FLT3: variants seen among roughly 807,000 people sequenced by gnomAD.
FLT3 encodes fms related receptor tyrosine kinase 3, also known as receptor-type tyrosine-protein kinase FLT3.
In FLT3, 46 loss-of-function variants were observed where a neutral mutation model predicts 126.6. The ratio of observed to expected loss-of-function variants is 0.36; its 90% CI spans 0.29 to 0.46. FLT3 has a LOEUF of 0.46. Ranked by LOEUF, FLT3 falls within the 20% of genes least tolerant of loss-of-function variation. FLT3 has a pLI of 1.00. For missense variants in FLT3, 1,069 were observed against 1,190.3 expected, an observed-to-expected ratio of 0.90 and a Z score of 1.50; for synonymous variants, 404 against 434.4, an observed-to-expected ratio of 0.93 and a Z score of 0.87.
chr13:28,034,038 G>A (rs527544962), intron 14 of FLT3, 44 bp downstream of exon 14: 4 of 1,613,180 alleles, frequency 2.5e-6, no homozygotes, highest in East Asian at 2.2e-5. Context: ...ATTTTCCAAT[G>A]GAAAAGAAAT....
intron 16 of FLT3, 97 bp downstream of exon 16, chr13:28,028,081 G>T (rs1006294783): frequency 4.6e-6 from 3 of 645,942 alleles, no homozygotes; most frequent in Middle Eastern, 2.5e-4. Context: ...AAAAGACAAA[G>T]AATTAAAAAG....
Position 28,100,357 on chromosome 13 carries a change from C to G in FLT3, c.43+111G>C. On this transcript the variant is annotated intron_variant, in intron 1 of 23. Coordinates refer to ENST00000241453, the MANE Select transcript of FLT3 (RefSeq NM_004119.3). The surrounding 1 kb of genome is among the most constrained non-coding windows in gnomAD (Gnocchi z 4.8). Reference sequence around the variant, plus strand: ...CGCGGGAGGCAATGGAAGGAGCGAGCGCGGGGAGGAGCGAGGCGGCTGGGC... The same window carrying G: ...CGCGGGAGGCAATGGAAGGAGCGAGGGCGGGGAGGAGCGAGGCGGCTGGGC... The G allele has an allele frequency of 2.8e-6, 2 of 725,778 alleles. No individual in the cohort carries two copies. Among genetic ancestry groups the G allele is most frequent in the Non-Finnish European group, 3.7e-6 (2 of 534,012 alleles). The allele number at this position is 725,778 out of a possible 1,614,324, so 45.0% of individuals were successfully genotyped here.
At chr13:28,057,826 G>A (rs891895264) in intron 3 of FLT3, among the ~76,000 whole-genome samples, 3 of 152,126 alleles carry the variant, frequency 2.0e-5, no homozygotes, top group Non-Finnish European at 2.9e-5. Flanking sequence ...GATCACCTGA[G>A]GTCAGGAGTT....
intron 21 of FLT3, 27 bp from the exon 22 acceptor site, chr13:28,015,283 C>T: frequency 7.4e-7 from 1 of 1,343,956 alleles, no homozygotes; most frequent in Non-Finnish European, 1.1e-6. Context: ...ACAATTGCAG[C>T]CATTCATCCA....
chr13:28,014,673 T>C (rs1168856644), intron 22 of FLT3, 116 bp from the exon 23 acceptor site: 1 of 699,752 alleles, frequency 1.4e-6, no homozygotes, highest in Non-Finnish European at 2.4e-6. Context: ...TTACAGCATG[T>C]TTGTTTTGTG....
At position 28,089,960 on chromosome 13, in the gene FLT3, C is replaced by CA. The variant is rs542637186; in HGVS notation, c.43+10507dup. ...TTCACCATGTTGGCCAGGCTGGTCTCAAACTCCTGACTTCAAATGATCCGC... is the reference window on the plus strand; with the variant it reads ...TTCACCATGTTGGCCAGGCTGGTCTCAAAACTCCTGACTTCAAATGATCCGC... On this transcript the variant is annotated intron_variant, in intron 1 of 23. Coordinates refer to ENST00000241453, the MANE Select transcript of FLT3 (RefSeq NM_004119.3). 1.9e-4 allele frequency among the ~76,000 whole-genome samples: 29 copies of CA among 151,520 alleles called. No individual in the cohort carries two copies. The East Asian group carries it at 5.5e-3, about 28-fold the overall frequency.
chr13:28,018,556 G>A lies in FLT3; in HGVS notation c.2452C>T (p.Leu818Phe), dbSNP rs2137623816. ...TTCACCACTTTCCCGTGGGTGACAA[G>A]CACGTTCCTGGCGGCCAGGTCTCTG... The part of the protein sequence containing the change: ...VHRDLAARNV[L>F]VTHGKVVKIC... Residue 818 changes from leucine (L) to phenylalanine (F), a missense_variant, in exon 20 of 24, where the codon CTT becomes TTT. Transcript: ENST00000241453. 1 of 1,614,160 alleles carries A rather than the reference G, an allele frequency of 6.2e-7. No individual in the cohort carries two copies. Among genetic ancestry groups the A allele is most frequent in the Non-Finnish European group, 8.5e-7 (1 of 1,179,994 alleles).
At chr13:28,044,423 C>G (rs1874675759) in intron 9 of FLT3, among the ~76,000 whole-genome samples, 1 of 150,318 alleles carries the variant, frequency 6.7e-6, no homozygotes, top group South Asian at 2.1e-4. Flanking sequence ...GCACTCCAGC[C>G]TGGGCGACAG....
intron 15 of FLT3, among the ~76,000 whole-genome samples, chr13:28,031,087 G>C (rs996943344): frequency 2.0e-5 from 3 of 152,116 alleles, no homozygotes; most frequent in Non-Finnish European, 4.4e-5. Flanking sequence ...ATTTAGCCGG[G>C]CGTGGTGGTG....
chr13:28,010,450 T>A (rs963947360), intron 23 of FLT3, among the ~76,000 whole-genome samples: 1 of 152,128 alleles, frequency 6.6e-6, no homozygotes, highest in African/African-American at 2.4e-5. Flanking sequence ...ACTAGGGAAA[T>A]TGGGGGAGGC....
rs1394449672 is a variant in FLT3, at chr13:28,070,513, C to T, written c.143G>A (p.Gly48Glu). 2.5e-6 allele frequency: 4 copies of T among 1,609,946 alleles called. No homozygotes were observed. The highest frequency in any genetic ancestry group is 2.7e-5 in the African/African-American group (2 of 74,932). ...TACCATGGGATATGATGATGACTTCCCCACTGATGAATCATTGTTCTTATG... is the reference window on the plus strand; with the variant it reads ...TACCATGGGATATGATGATGACTTCTCCACTGATGAATCATTGTTCTTATG... ...INHKNNDSSV[G>E]KSSSYPMVSE... is the part of the protein sequence containing the mutation. The change falls in exon 2 of 24, where the codon GGG (glycine) becomes GAG (glutamate). Residue 48 changes from glycine to glutamate, a missense_variant. Physicochemically the swap from Gly to Glu is moderately conservative, Grantham distance 98 (BLOSUM62 -2). Coordinates refer to ENST00000241453, the MANE Select transcript of FLT3 (RefSeq NM_004119.3).
Position 28,023,476 on chromosome 13 carries a change from A to T in FLT3, c.2292T>A (p.Asp764Glu), listed in dbSNP as rs1872570803. Residue 764 changes from aspartate (D) to glutamate (E), a missense_variant and splice_region_variant, in exon 19 of 24, where the codon GAT becomes GAA. Physicochemically the swap from Asp to Glu is conservative, Grantham distance 45. Coordinates refer to ENST00000241453, the MANE Select transcript of FLT3 (RefSeq NM_004119.3). The part of the protein sequence containing the change: ...GLHGNSFHSE[D>E]EIEYENQKRL... The stretch of plus-strand genomic sequence containing the variant: ...TTTTTTGGTTTTCATATTCAATTTC[A>T]TCTGTAAAATAGAGCCAGTCTTCAC... 6.2e-7 allele frequency: 1 copy of T among 1,613,640 alleles called. No individual in the cohort carries two copies. The highest frequency in any genetic ancestry group is 8.5e-7 in the Non-Finnish European group (1 of 1,179,902).
At chr13:28,057,912 G>T (rs186457822) in intron 3 of FLT3, among the ~76,000 whole-genome samples, 1 of 151,798 alleles carries the variant, frequency 6.6e-6, no homozygotes, top group Admixed American at 6.6e-5. Context: ...TGGCGCAGGC[G>T]CCTGTAATCC....
At chr13:28,085,365 A>G (rs977300453) in intron 1 of FLT3, among the ~76,000 whole-genome samples, 13 of 145,624 alleles carry the variant, frequency 8.9e-5, no homozygotes, top group East Asian at 6.1e-4. Flanking sequence ...AAAAAAAAAA[A>G]AAAGAAAAGA....
chr13:28,089,008 C>A (rs1012842551), intron 1 of FLT3, among the ~76,000 whole-genome samples: 3 of 152,254 alleles, frequency 2.0e-5, no homozygotes, highest in East Asian at 3.9e-4. Context: ...AATAATAAAA[C>A]AAACACTCCA....
chr13:28,099,968 G>T (rs989211034), intron 1 of FLT3, among the ~76,000 whole-genome samples: 3 of 152,202 alleles, frequency 2.0e-5, no homozygotes, highest in African/African-American at 7.2e-5. Context: ...AGGGGAGAAC[G>T]CGGACGCATT....
At chr13:28,088,294 T>TC (rs1267955103) in intron 1 of FLT3, among the ~76,000 whole-genome samples, 1 of 147,980 alleles carries the variant, frequency 6.8e-6, no homozygotes, top group East Asian at 1.9e-4. Context: ...AAAACATTCT[T>TC]TTTTTTTTTT....
At chr13:28,046,664 A>G (rs191473712) in intron 9 of FLT3, among the ~76,000 whole-genome samples, 2 of 152,204 alleles carry the variant, frequency 1.3e-5, no homozygotes, top group Admixed American at 1.3e-4. Context: ...TGACGTGATC[A>G]TGGCTACTGC....
chr13:28,035,387 C>G (rs1250153200), intron 12 of FLT3, 108 bp downstream of exon 12: 2 of 1,021,690 alleles, frequency 2.0e-6, no homozygotes, highest in Admixed American at 4.9e-5. Flanking sequence ...TTCTCACACA[C>G]TGACCCTATA....
Sources: allele counts gnomAD v4.1 joint callset (sites outside exome capture counted in the v4.1 genomes callset), GRCh38; gene constraint gnomAD v4.1.1; non-coding constraint Gnocchi (gnomAD v3.1); transcripts MANE v1.5; gene names NCBI Gene and HGNC (gene_info 2026-07-23, HGNC 2026-07-21).